The following KLC1 variants were observed in gnomAD, a reference collection of about 807,000 sequenced individuals.
The protein encoded by KLC1 is kinesin light chain 1, also known as kinesin 2 60/70kDa.
In KLC1, 30 loss-of-function variants were observed where a neutral mutation model predicts 84.2. The ratio of observed to expected loss-of-function variants is 0.36; its 90% CI spans 0.27 to 0.48. The LOEUF (loss-of-function observed/expected upper bound fraction) is 0.48, where lower values mean the gene tolerates loss of function less well. Among genes scored for constraint, KLC1 ranks in the 20% least tolerant of loss-of-function variants. The probability of loss-of-function intolerance (pLI) is 0.99; values close to 1 mark genes in which losing one functional copy is unlikely to be tolerated. For synonymous variants in KLC1, 289 were observed against 293.3 expected (o/e 0.99, Z 0.15); for missense variants, 499 against 805.4 (o/e 0.62, Z 4.60).
In KLC1 at chr14:103,677,488, A is replaced by G; in HGVS notation, c.1453A>G (p.Thr485Ala). ...RRQGKFEAAE[T>A]LEEAAMRSRK... ...TCAAGGCAAATTTGAAGCTGCAGAA[A>G]CGTTAGAAGAAGCTGCTATGAGGTC... Residue 485 changes from threonine (T) to alanine (A), a missense_variant, in exon 12 of 17, where the codon ACG (threonine) becomes GCG (alanine). Transcript: ENST00000334553. 1 of 1,614,050 alleles carries G rather than the reference A, an allele frequency of 6.2e-7. No homozygotes were observed. The highest frequency in any genetic ancestry group is 8.5e-7 in the Non-Finnish European group (1 of 1,179,926).
rs576427755 is a variant in KLC1, at chr14:103,679,291, T to G, written c.1489-93T>G. ...TTCCCTCCAGTGATTAAGAACTGTT[T>G]TTTTTTTTTTTTTCTAGCGAAGTAT... On this transcript the variant is annotated intron_variant, in intron 12 of 16. Coordinates refer to ENST00000334553, the MANE Select transcript of KLC1 (RefSeq NM_001394837.1). 3.5e-4 allele frequency: 494 copies of G among 1,392,784 alleles called. No individual in the cohort carries two copies. In the African/African-American group the frequency reaches 6.3e-3, roughly 18 times the overall value. 86.3% of individuals were successfully genotyped at this position (1,392,784 alleles called of 1,614,324 possible).
At chr14:103,700,160 G>C (rs952976697) in intron 15 of KLC1, 1 of 202,806 alleles carries the variant, frequency 4.9e-6, no homozygotes, top group South Asian at 8.9e-5. Flanking sequence ...GACCACCTGG[G>C]GGTCAGGATG....
chr14:103,673,966 C>T (rs1029977608), intron 9 of KLC1, among the ~76,000 whole-genome samples: 2 of 151,740 alleles, frequency 1.3e-5, no homozygotes, highest in Admixed American at 6.6e-5. Context: ...TTGTGTGAGG[C>T]CCCGTAGCTG....
rs560823298 is a variant in KLC1, at chr14:103,649,648, G to A, written c.-1-4916G>A. 8.7e-4 allele frequency among the ~76,000 whole-genome samples: 129 copies of A among 149,024 alleles called. 4 individuals carry two copies. In the South Asian group the frequency reaches 0.026, roughly 31 times the overall value. On this transcript the variant is annotated intron_variant, in intron 1 of 16. Transcript: ENST00000334553. Reference sequence around the variant, plus strand: ...TTAGTAGACTGTAATAGCTTTGCCTGTTGAACAATAGCCTTAAAGAGGTTT... The same window carrying A: ...TTAGTAGACTGTAATAGCTTTGCCTATTGAACAATAGCCTTAAAGAGGTTT...
In KLC1 at chr14:103,696,977, A is replaced by G. The variant is rs2082582184; in HGVS notation, c.1849-3678A>G. On this transcript the variant is annotated intron_variant, in intron 15 of 16. Transcript: ENST00000334553. ...CCCTCGGCCCCTTCCCTCCAGGGGCAGGAACTGAGCCAGCATGGGCGGGGC... is the reference window on the plus strand; with the variant it reads ...CCCTCGGCCCCTTCCCTCCAGGGGCGGGAACTGAGCCAGCATGGGCGGGGC... 5 of 985,264 alleles carry G rather than the reference A, an allele frequency of 5.1e-6. No individual in the cohort carries two copies. In the South Asian group the frequency reaches 1.9e-4, roughly 37 times the overall value. 61.0% of individuals were successfully genotyped at this position (985,264 alleles called of 1,614,324 possible). A position where few individuals can be genotyped will look rare whatever the true frequency, so the allele number is the denominator to read the frequency against.
Position 103,684,800 on chromosome 14 carries a change from G to A in KLC1, c.1651-2281G>A, listed in dbSNP as rs868480139. 9 of 589,604 alleles carry A rather than the reference G, an allele frequency of 1.5e-5. No individual in the cohort carries two copies. In the Middle Eastern group the frequency reaches 1.3e-3, roughly 87 times the overall value. 36.5% of individuals were successfully genotyped at this position (589,604 alleles called of 1,614,324 possible). ...TCTGTGTTCTGCCAAGCATTTAGTT[G>A]AGGTGTATTATAAACTACTGTAGTG... On this transcript the variant is annotated intron_variant, in intron 13 of 16. Coordinates refer to ENST00000334553, the MANE Select transcript of KLC1 (RefSeq NM_001394837.1).
chr14:103,694,069 G>C lies in KLC1; in HGVS notation c.1848+1644G>C, dbSNP rs1279726996. On this transcript the variant is annotated intron_variant, in intron 15 of 16. Transcript: ENST00000334553. The surrounding 1 kb of genome is among the most constrained non-coding windows in gnomAD (Gnocchi z 4.5). ...GATAGGCATTTAGTGATCTATGGCA[G>C]TAAAGCCTGAAGCTTAGCGGACACT... 1 of 987,236 alleles carries C rather than the reference G, an allele frequency of 1.0e-6. No individual in the cohort carries two copies. The highest frequency in any genetic ancestry group is 1.2e-6 in the Non-Finnish European group (1 of 829,972). The allele number at this position is 987,236 out of a possible 1,614,324, so 61.2% of individuals were successfully genotyped here.
intron 15 of KLC1, chr14:103,698,616 G>A: frequency 4.6e-6 from 3 of 645,202 alleles, no homozygotes; most frequent in African/African-American, 1.8e-5. Context: ...CATCCCCCCA[G>A]CTCAGATGGG....
At chr14:103,689,413 T>C (rs1267628151) in intron 14 of KLC1, among the ~76,000 whole-genome samples, 2 of 152,196 alleles carry the variant, frequency 1.3e-5, no homozygotes, top group South Asian at 2.1e-4. Context: ...GCCTGAACCA[T>C]GTGACATAGA....
intron 13 of KLC1, 115 bp downstream of exon 13, chr14:103,679,660 A>G (rs761991598): frequency 2.3e-5 from 17 of 724,916 alleles, no homozygotes; most frequent in African/African-American, 3.5e-5. Flanking sequence ...TTAAGTGCCA[A>G]TTAAGCTTTC....
intron 15 of KLC1, chr14:103,695,337 GTGTATATATATA>G: frequency 3.8e-6 from 2 of 527,302 alleles, no homozygotes; most frequent in African/African-American, 3.6e-5. Flanking sequence ...ATGTGTGTGT[GTGTATATATATA>G]TATATATATA....
rs891593946 is a variant in KLC1, at chr14:103,691,451, C to T, written c.1782-908C>T. Among the ~76,000 whole-genome samples, 14 of 136,880 alleles carry T rather than the reference C, an allele frequency of 1.0e-4. No individual in the cohort carries two copies. The South Asian group carries it at 1.2e-3, about 12-fold the overall frequency. 89.8% of individuals were successfully genotyped at this position (136,880 alleles called of 152,430 possible). ...CTGGGATTACAAGCATGAGCCACCA[C>T]GCCTGGCTTTTTTTTTTTTTTTTTT... On this transcript the variant is annotated intron_variant, in intron 14 of 16. Transcript: ENST00000334553.
At chr14:103,699,599 C>CTATGCTGGTCAGCAAGTCCCCGCCCCAGG (rs1567049114) in intron 15 of KLC1, 2 of 1,612,156 alleles carry the variant, frequency 1.2e-6, no homozygotes, top group Admixed American at 1.7e-5. Flanking sequence ...CTGTCATTGT[C>CTATGCTGGTCAGCAAGTCCCCGCCCCAGG]TATGCTGGTC....
intron 1 of KLC1, among the ~76,000 whole-genome samples, chr14:103,648,985 A>G (rs1220096728): frequency 6.6e-6 from 1 of 151,776 alleles, no homozygotes; most frequent in African/African-American, 2.4e-5. Flanking sequence ...AAAAATACAA[A>G]AGTTAGCTGG....
At chr14:103,650,725 C>T (rs887663358) in intron 1 of KLC1, among the ~76,000 whole-genome samples, 2 of 151,466 alleles carry the variant, frequency 1.3e-5, no homozygotes, top group Non-Finnish European at 2.9e-5. Context: ...ATTGCAGGCA[C>T]CTGCCACCAC....
intron 4 of KLC1, 53 bp from the exon 5 acceptor site, chr14:103,662,649 C>T: frequency 7.4e-7 from 1 of 1,342,530 alleles, no homozygotes; most frequent in Non-Finnish European, 1.0e-6. Context: ...GAAACTGACT[C>T]ATCTGGATAA....
chr14:103,679,655 T>A, intron 13 of KLC1, 110 bp downstream of exon 13: 1 of 761,410 alleles, frequency 1.3e-6, no homozygotes, highest in Non-Finnish European at 2.2e-6. Context: ...TCAAATTAAG[T>A]GCCAATTAAG....
At chr14:103,659,871 G>C (rs2079137499) in intron 3 of KLC1, among the ~76,000 whole-genome samples, 1 of 152,068 alleles carries the variant, frequency 6.6e-6, no homozygotes. Context: ...GTTCTGGGGA[G>C]GGCCTTCTTT....
Position 103,654,830 on chromosome 14 carries a change from G to A in KLC1, c.261+5G>A, listed in dbSNP as rs372987303. ...CTCGGCCTGAGTGAGGCACAGGTAC[G>A]AGTGAGAATGACTCAGACGTTATCA... is the stretch of plus-strand genomic sequence containing the variant. On this transcript the variant is annotated splice_donor_5th_base_variant and intron_variant, in intron 2 of 16. Transcript: ENST00000334553. 2.9e-5 allele frequency: 46 copies of A among 1,612,186 alleles called. No homozygotes were observed. Among genetic ancestry groups the A allele is most frequent in the Non-Finnish European group, 3.6e-5 (43 of 1,179,008 alleles).
Sources: allele counts gnomAD v4.1 joint callset (sites outside exome capture counted in the v4.1 genomes callset), GRCh38; gene constraint gnomAD v4.1.1; non-coding constraint Gnocchi (gnomAD v3.1); transcripts MANE v1.5; gene names NCBI Gene and HGNC (gene_info 2026-07-23, HGNC 2026-07-21).